Variants in MGAT4A observed in about 807,000 individuals in gnomAD.
MGAT4A encodes the protein alpha-1,3-mannosyl-glycoprotein 4-beta-N-acetylglucosaminyltransferase A, also known as N-acetylglucosaminyltransferase IVa.
MGAT4A carries 33 observed loss-of-function variants against 74.1 expected under a neutral mutation model. That is an observed-to-expected ratio of 0.45 (90% CI 0.34 to 0.60). MGAT4A has a LOEUF of 0.60. Ranked by LOEUF, MGAT4A falls within the 20% of genes least tolerant of loss-of-function variation. The pLI, the probability that MGAT4A is intolerant of heterozygous loss-of-function variation, is 0.02. For missense variants in MGAT4A, 479 were observed against 628.3 expected, an observed-to-expected ratio of 0.76 and a Z score of 2.54; for synonymous variants, 198 against 210.4, an observed-to-expected ratio of 0.94 and a Z score of 0.51.
intron 8 of MGAT4A, among the ~76,000 whole-genome samples, chr2:98,653,842 T>C: frequency 6.6e-6 from 1 of 152,178 alleles, no homozygotes; most frequent in East Asian, 1.9e-4. Context: ...TGCATTTCTC[T>C]GACACCAAAG....
At chr2:98,708,045 T>G (rs1415321371) in intron 2 of MGAT4A, among the ~76,000 whole-genome samples, 4 of 152,230 alleles carry the variant, frequency 2.6e-5, no homozygotes, top group African/African-American at 7.2e-5. Context: ...CAAGTTTACT[T>G]TAATCAACTG....
intron 2 of MGAT4A, among the ~76,000 whole-genome samples, chr2:98,686,021 C>A (rs1215570473): frequency 6.6e-6 from 1 of 152,128 alleles, no homozygotes; most frequent in African/African-American, 2.4e-5. Context: ...AGGGGGCGCT[C>A]ATTAAAATGT....
intron 2 of MGAT4A, among the ~76,000 whole-genome samples, chr2:98,699,324 C>A (rs1196210503): frequency 6.6e-6 from 1 of 152,168 alleles, no homozygotes; most frequent in Non-Finnish European, 1.5e-5. Context: ...ACAACTTGTA[C>A]AAATAGTTTA....
Position 98,656,388 on chromosome 2 carries a change from AG to A in MGAT4A, c.661del (p.Leu221Ter). 1 of 1,611,124 alleles carries A rather than the reference AG, an allele frequency of 6.2e-7. No individual in the cohort carries two copies. Among genetic ancestry groups the A allele is most frequent in the South Asian group, 1.1e-5 (1 of 90,898 alleles). On this transcript the variant is annotated frameshift_variant, in exon 7 of 16. Coordinates refer to ENST00000393487, the MANE Select transcript of MGAT4A (RefSeq NM_012214.3). LOFTEE classifies it high-confidence loss of function. ...TTTGGAGTCTCCAAATGTCTCCTTT[AG>A]GTTTGTCAAGTCAGGATAATAGCTT... ...PESYYPDLTNLKETFGDSKER... is the reference protein window; with the variant it reads ...PESYYPDLTNXKETFGDSKER...
intron 4 of MGAT4A, among the ~76,000 whole-genome samples, chr2:98,669,503 A>AG (rs1701883823): frequency 6.6e-6 from 1 of 152,208 alleles, no homozygotes; most frequent in South Asian, 2.1e-4. Context: ...TGTCTTTATT[A>AG]GCAGCATGAA....
chr2:98,726,698 G>A (rs772887429), intron 1 of MGAT4A, 131 bp from the exon 2 acceptor site: 5 of 220,802 alleles, frequency 2.3e-5, no homozygotes, highest in East Asian at 9.5e-5. Flanking sequence ...TCCCTACATC[G>A]AAACTACTCA....
intron 12 of MGAT4A, among the ~76,000 whole-genome samples, chr2:98,639,446 C>A (rs372789001): frequency 6.6e-6 from 1 of 152,050 alleles, no homozygotes; most frequent in East Asian, 1.9e-4. Flanking sequence ...TCATTTCAAC[C>A]AAATTGCTGG....
At chr2:98,643,113 T>G (rs893799913) in intron 10 of MGAT4A, among the ~76,000 whole-genome samples, 3 of 152,196 alleles carry the variant, frequency 2.0e-5, no homozygotes, top group Non-Finnish European at 2.9e-5. Context: ...TCAAATAAAT[T>G]AAAAGCTATA....
intron 4 of MGAT4A, among the ~76,000 whole-genome samples, chr2:98,667,368 T>C (rs187359825): frequency 6.6e-6 from 1 of 152,110 alleles, no homozygotes; most frequent in Admixed American, 6.5e-5. Context: ...CTGGAACAGT[T>C]TGGAGGGCTC....
intron 2 of MGAT4A, among the ~76,000 whole-genome samples, chr2:98,716,806 T>C (rs1702599017): frequency 6.6e-6 from 1 of 152,208 alleles, no homozygotes; most frequent in Admixed American, 6.5e-5. Flanking sequence ...CACAGCCTCT[T>C]GTATACTTTA....
intron 2 of MGAT4A, among the ~76,000 whole-genome samples, chr2:98,684,782 G>A (rs1702106611): frequency 6.6e-6 from 1 of 152,126 alleles, no homozygotes; most frequent in Admixed American, 6.6e-5. Flanking sequence ...CTTCTTATCA[G>A]CAAGATGTAC....
chr2:98,701,930 T>C (rs933628727), intron 2 of MGAT4A, among the ~76,000 whole-genome samples: 2 of 152,206 alleles, frequency 1.3e-5, no homozygotes, highest in African/African-American at 4.8e-5. Flanking sequence ...CAATCAGAAT[T>C]ACCTAGGGGC....
intron 13 of MGAT4A, 118 bp downstream of exon 13, chr2:98,636,399 C>A: frequency 1.4e-6 from 1 of 723,856 alleles, no homozygotes; most frequent in South Asian, 1.8e-5. Flanking sequence ...TAATATTATT[C>A]ACCATTGAGT....
Position 98,621,447 on chromosome 2 carries a change from G to A in MGAT4A, c.*4119C>T, listed in dbSNP as rs1701059440. 1 of 1,551,608 alleles carries A rather than the reference G, an allele frequency of 6.4e-7. No homozygotes were observed. The highest frequency in any genetic ancestry group is 8.7e-7 in the Non-Finnish European group (1 of 1,146,954). On this transcript the variant is annotated 3_prime_UTR_variant, in exon 16 of 16. Coordinates refer to ENST00000393487, the MANE Select transcript of MGAT4A (RefSeq NM_012214.3). Reference sequence around the variant, plus strand: ...CCCTCTACCTTAAAACAGCAATGGTGCCTGAGGTCCTTCTGCTTTGTCTCT... The same window carrying A: ...CCCTCTACCTTAAAACAGCAATGGTACCTGAGGTCCTTCTGCTTTGTCTCT...
intron 2 of MGAT4A, among the ~76,000 whole-genome samples, chr2:98,703,987 CCT>C (rs1702387057): frequency 6.6e-6 from 1 of 152,146 alleles, no homozygotes; most frequent in African/African-American, 2.4e-5. Context: ...AGTATTCATC[CCT>C]CTCTGAAATA....
At position 98,699,952 on chromosome 2, in the gene MGAT4A, GT is replaced by G. The variant is rs758036453; in HGVS notation, c.95-21482del. Among the ~76,000 whole-genome samples the G allele has an allele frequency of 9.9e-5, 15 of 152,266 alleles. 1 individual carries two copies. The East Asian group carries it at 2.9e-3, about 29-fold the overall frequency. ...CCACATCTCTTGCCTGAGTCACGAT[GT>G]TTCTTATAGGATACGTGACCCGTCC... On this transcript the variant is annotated intron_variant, in intron 2 of 15. Coordinates refer to ENST00000393487, the MANE Select transcript of MGAT4A (RefSeq NM_012214.3).
At position 98,620,754 on chromosome 2, in the gene MGAT4A, C is replaced by T. The variant is rs532443498; in HGVS notation, c.*4812G>A. ...ATGTATCTAAAATACCACTGTTAAT[C>T]ATTCTTGAATTTACTTCTGACAGGC... On this transcript the variant is annotated 3_prime_UTR_variant, in exon 16 of 16. Transcript: ENST00000393487. 6.6e-6 allele frequency: 1 copy of T among 152,318 alleles called. No individual in the cohort carries two copies. Among genetic ancestry groups the T allele is most frequent in the Admixed American group, 6.5e-5 (1 of 15,298 alleles). 9.4% of individuals were successfully genotyped at this position (152,318 alleles called of 1,614,324 possible).
chr2:98,720,242 A>C (rs1431104494), intron 2 of MGAT4A, among the ~76,000 whole-genome samples: 1 of 152,222 alleles, frequency 6.6e-6, no homozygotes, highest in Non-Finnish European at 1.5e-5. Context: ...ATGTCTGTGA[A>C]GGTATTTCTA....
chr2:98,726,202 T>A, intron 2 of MGAT4A, 37 bp downstream of exon 2: 1 of 1,568,124 alleles, frequency 6.4e-7, no homozygotes, highest in Non-Finnish European at 8.8e-7. Context: ...AAAACCCTAG[T>A]ACATTTCATG....
Sources: allele counts gnomAD v4.1 joint callset (sites outside exome capture counted in the v4.1 genomes callset), GRCh38; gene constraint gnomAD v4.1.1; transcripts MANE v1.5; gene names NCBI Gene and HGNC (gene_info 2026-07-23, HGNC 2026-07-21).